Variants in MYH1 observed in about 807,000 individuals in gnomAD.
The protein encoded by MYH1 is myosin heavy chain 1, also known as myosin-1.
A neutral mutation model predicts 225.6 loss-of-function variants in MYH1; 214 were observed. The ratio of observed to expected loss-of-function variants is 0.95; its 90% CI spans 0.85 to 1.06. The LOEUF (loss-of-function observed/expected upper bound fraction) is 1.06, where lower values mean the gene tolerates loss of function less well. Among genes scored for constraint, MYH1 ranks in the 50% least tolerant of loss-of-function variants. The pLI, the probability that MYH1 is intolerant of heterozygous loss-of-function variation, is 0.00. For missense variants in MYH1, 2,098 were observed against 2,344.2 expected, an observed-to-expected ratio of 0.89 and a Z score of 2.17; for synonymous variants, 774 against 842.3, an observed-to-expected ratio of 0.92 and a Z score of 1.40.
chr17:10,514,039 T>C lies in MYH1; in HGVS notation c.619A>G (p.Lys207Glu), dbSNP rs1243379674. The change falls in exon 7 of 40, where the codon AAG becomes GAG. Residue 207 changes from lysine to glutamate, a missense_variant. By Grantham distance (56) the Lys-to-Glu change is moderately conservative. Coordinates refer to ENST00000226207, the MANE Select transcript of MYH1 (RefSeq NM_005963.4). ...ATIAVTGEKKKEEVTSGKMQG... is the reference protein window; with the variant it reads ...ATIAVTGEKKEEEVTSGKMQG... ...ATTTTGCCAGAAGTAACTTCTTCCT[T>C]CTTCTTCTCCCCAGTAACTGCAATT... 5.6e-6 allele frequency: 9 copies of C among 1,614,134 alleles called. No homozygotes were observed. The highest frequency in any genetic ancestry group is 3.3e-5 in the Admixed American group (2 of 60,030).
chr17:10,512,504 A>G lies in MYH1; in HGVS notation c.1051T>C (p.Ser351Pro). 4 of 1,614,090 alleles carry G rather than the reference A, an allele frequency of 2.5e-6. No individual in the cohort carries two copies. The highest frequency in any genetic ancestry group is 3.4e-6 in the Non-Finnish European group (4 of 1,179,976). The change falls in exon 12 of 40, where the codon TCC (serine) becomes CCC (proline). Residue 351 changes from serine (S) to proline (P), a missense_variant. Coordinates refer to ENST00000226207, the MANE Select transcript of MYH1 (RefSeq NM_005963.4). ...ILGFTSDERV[S>P]IYKLTGAVMH... ...ACAGCCCCTGTGAGCTTATAGATGG[A>G]CACTCTTTCATCTGAAGTAAAGCCC...
Position 10,505,191 on chromosome 17 carries a change from C to T in MYH1, c.2407G>A (p.Val803Met). ...QAMCRGFLARVEYQKMVERRE... is the reference protein window; with the variant it reads ...QAMCRGFLARMEYQKMVERRE... Reference sequence around the variant, plus strand: ...CTTTCCACCATTTTCTGGTACTCCACTCTTGCCAAGAACCCTCTGCACATG... The same window carrying T: ...CTTTCCACCATTTTCTGGTACTCCATTCTTGCCAAGAACCCTCTGCACATG... Residue 803 changes from valine (V) to methionine (M), a missense_variant, in exon 21 of 40, where the codon GTG (valine) becomes ATG (methionine). Coordinates refer to ENST00000226207, the MANE Select transcript of MYH1 (RefSeq NM_005963.4). 3 of 1,614,210 alleles carry T rather than the reference C, an allele frequency of 1.9e-6. No homozygotes were observed. The highest frequency in any genetic ancestry group is 8.5e-7 in the Non-Finnish European group (1 of 1,180,034).
At chr17:10,510,073 T>C (rs957162155) in intron 14 of MYH1, among the ~76,000 whole-genome samples, 4 of 151,982 alleles carry the variant, frequency 2.6e-5, no homozygotes, top group Non-Finnish European at 5.9e-5. Flanking sequence ...AAATAACTTA[T>C]GGGTACTAGG....
Position 10,494,619 on chromosome 17 carries a change from C to T in MYH1, c.5521G>A (p.Val1841Ile). ...ESEQKRNVEA[V>I]KGLRKHERKV... ...CTCTCATGTTTGCGTAGACCCTTGA[C>T]AGCTTCAACATTGCGCTTCTGTTCA... is the stretch of plus-strand genomic sequence containing the variant. The change falls in exon 38 of 40, where the codon GTC becomes ATC. Residue 1841 changes from valine (V) to isoleucine (I), a missense_variant. Transcript: ENST00000226207. 3.1e-6 allele frequency: 5 copies of T among 1,614,096 alleles called. No homozygotes were observed. Among genetic ancestry groups the T allele is most frequent in the Non-Finnish European group, 4.2e-6 (5 of 1,180,030 alleles).
chr17:10,506,133 T>G, intron 17 of MYH1, 34 bp from the exon 18 acceptor site: 1 of 1,611,506 alleles, frequency 6.2e-7, no homozygotes, highest in Non-Finnish European at 8.5e-7. Flanking sequence ...CTTTAAAAAA[T>G]GTACTGTTTT....
At chr17:10,494,314 C>T (rs1394136898) in intron 39 of MYH1, 40 bp downstream of exon 39, 3 of 1,565,638 alleles carry the variant, frequency 1.9e-6, no homozygotes, top group Non-Finnish European at 2.6e-6. Context: ...CTGGCCTGGT[C>T]ATGTCTGAGA....
intron 15 of MYH1, 55 bp downstream of exon 15, chr17:10,509,430 T>C: frequency 6.2e-7 from 1 of 1,604,422 alleles, no homozygotes; most frequent in Non-Finnish European, 8.5e-7. Flanking sequence ...TTTTATGATT[T>C]TCTTTTAAAT....
intron 22 of MYH1, among the ~76,000 whole-genome samples, 182 bp from the exon 23 acceptor site, chr17:10,503,430 G>C (rs1180506287): frequency 6.6e-6 from 1 of 152,110 alleles, no homozygotes; most frequent in Non-Finnish European, 1.5e-5. Flanking sequence ...AGGAACTTAA[G>C]TCATAGTTCC....
intron 6 of MYH1, 121 bp from the exon 7 acceptor site, chr17:10,514,245 T>C: frequency 8.7e-7 from 1 of 1,145,072 alleles, no homozygotes; most frequent in Non-Finnish European, 1.2e-6. Context: ...TCAGCCTACA[T>C]ATAGCTCGTA....
intron 31 of MYH1, 66 bp downstream of exon 31, chr17:10,497,668 A>G: frequency 6.3e-7 from 1 of 1,592,586 alleles, no homozygotes; most frequent in Non-Finnish European, 8.6e-7. Flanking sequence ...TGAATTGGGC[A>G]CACTGAAGGT....
At chr17:10,510,423 G>A (rs184763716) in intron 14 of MYH1, among the ~76,000 whole-genome samples, 10 of 152,122 alleles carry the variant, frequency 6.6e-5, no homozygotes, top group African/African-American at 2.4e-4. Context: ...TCATGGGTGA[G>A]GAAACACTAT....
At position 10,494,352 on chromosome 17, in the gene MYH1, A is replaced by G; in HGVS notation, c.5667+2T>C. The G allele has an allele frequency of 1.2e-6, 2 of 1,613,900 alleles. No individual in the cohort carries two copies. Among genetic ancestry groups the G allele is most frequent in the Non-Finnish European group, 1.7e-6 (2 of 1,179,942 alleles). On this transcript the variant is annotated splice_donor_variant, in intron 39 of 39. Coordinates refer to ENST00000226207, the MANE Select transcript of MYH1 (RefSeq NM_005963.4). LOFTEE classifies it high-confidence loss of function. Reference sequence around the variant, plus strand: ...AATCACCCCAAGGGGTTGTGAACTCACCGCTTCTTCAGCTTGTCTCTTGTA... The same window carrying G: ...AATCACCCCAAGGGGTTGTGAACTCGCCGCTTCTTCAGCTTGTCTCTTGTA...
intron 38 of MYH1, 59 bp from the exon 39 acceptor site, chr17:10,494,508 A>G (rs2072967009): frequency 1.2e-6 from 2 of 1,610,630 alleles, no homozygotes; most frequent in Admixed American, 1.7e-5. Flanking sequence ...ATTTTGTCAT[A>G]CATATGACTT....
At chr17:10,494,309 C>T in intron 39 of MYH1, 45 bp downstream of exon 39, 2 of 1,542,992 alleles carry the variant, frequency 1.3e-6, no homozygotes, top group Non-Finnish European at 1.8e-6. Flanking sequence ...CTAAACTGGC[C>T]TGGTCATGTC....
At chr17:10,494,266 T>C in intron 39 of MYH1, 88 bp downstream of exon 39, 1 of 1,292,828 alleles carries the variant, frequency 7.7e-7, no homozygotes, top group Non-Finnish European at 1.1e-6. Flanking sequence ...TGATCCTTCC[T>C]CATTTTACTC....
rs377175694 is a variant in MYH1 at position 10,499,192 on chromosome 17, T to C, written c.3866-100A>G. On this transcript the variant is annotated intron_variant, in intron 28 of 39. Transcript: ENST00000226207. ...AAAGGGAGCCAAGTTTGAAACTTGA[T>C]GGAGGGCATGGGTGACAACAAACCA... The C allele has an allele frequency of 1.8e-5, 17 of 955,702 alleles. No individual in the cohort carries two copies. In the East Asian group the frequency reaches 3.4e-4, roughly 19 times the overall value. The allele number at this position is 955,702 out of a possible 1,614,324, so 59.2% of individuals were successfully genotyped here.
chr17:10,497,158 C>T lies in MYH1; in HGVS notation c.4567G>A (p.Gly1523Arg). 6.2e-7 allele frequency: 1 copy of T among 1,614,050 alleles called. No homozygotes were observed. Among genetic ancestry groups the T allele is most frequent in the Non-Finnish European group, 8.5e-7 (1 of 1,180,010 alleles). Residue 1523 changes from glycine (G) to arginine (R), a missense_variant, in exon 33 of 40, where the codon GGA (glycine) becomes AGA (arginine). Transcript: ENST00000226207. The part of the protein sequence containing the change: ...ISDLTEQIAE[G>R]GKRIHELEKI... ...TCCAGTTCATGGATGCGCTTTCCTC[C>T]TTCTGCAATCTGTTCAGTGAGATCA...
In MYH1 at chr17:10,504,398, G is replaced by A. The variant is rs539944065; in HGVS notation, c.2691+412C>T. Reference sequence around the variant, plus strand: ...AATAAAGTTGAGCACAAAGTTGCTCGGGGATTGTAGATACAAAACTCAGAA... The same window carrying A: ...AATAAAGTTGAGCACAAAGTTGCTCAGGGATTGTAGATACAAAACTCAGAA... On this transcript the variant is annotated intron_variant, in intron 22 of 39. Coordinates refer to ENST00000226207, the MANE Select transcript of MYH1 (RefSeq NM_005963.4). Among the ~76,000 whole-genome samples the A allele has an allele frequency of 1.6e-4, 25 of 152,288 alleles. No homozygotes were observed. In the East Asian group the frequency reaches 2.9e-3, roughly 18 times the overall value.
Position 10,509,522 on chromosome 17 carries a change from C to T in MYH1, c.1550G>A (p.Gly517Glu). The T allele has an allele frequency of 6.2e-7, 1 of 1,614,122 alleles. No homozygotes were observed. The highest frequency in any genetic ancestry group is 8.5e-7 in the Non-Finnish European group (1 of 1,180,030). The change falls in exon 15 of 40, where the codon GGG (glycine) becomes GAG (glutamate). Residue 517 changes from glycine (G) to glutamate (E), a missense_variant. By Grantham distance (98) the Gly-to-Glu change is moderately conservative. Coordinates refer to ENST00000226207, the MANE Select transcript of MYH1 (RefSeq NM_005963.4). Reference sequence around the variant, plus strand: ...CTCGATGCAGGCAGCCAGGTCCATCCCAAAGTCAATGAACGTCCACTCAAT... The same window carrying T: ...CTCGATGCAGGCAGCCAGGTCCATCTCAAAGTCAATGAACGTCCACTCAAT... ...EGIEWTFIDF[G>E]MDLAACIELI...
Sources: allele counts gnomAD v4.1 joint callset (sites outside exome capture counted in the v4.1 genomes callset), GRCh38; gene constraint gnomAD v4.1.1; transcripts MANE v1.5; gene names NCBI Gene and HGNC (gene_info 2026-07-23, HGNC 2026-07-21).